Variants in CELF2 observed in about 807,000 individuals in gnomAD.
The protein encoded by CELF2 is CUGBP Elav-like family member 2.
CELF2 carries 8 observed loss-of-function variants against 62.6 expected under a neutral mutation model. The ratio of observed to expected loss-of-function variants is 0.13; its 90% CI spans 0.07 to 0.23. CELF2 has a LOEUF of 0.23. Ranked by LOEUF, CELF2 falls within the 10% of genes least tolerant of loss-of-function variation. The pLI is 1.00. For missense variants in CELF2, 333 were observed against 671.0 expected, an observed-to-expected ratio of 0.50 and a Z score of 5.56; for synonymous variants, 258 against 250.0, an observed-to-expected ratio of 1.03 and a Z score of -0.30.
At chr10:11,209,226 A>AC (rs1241825033) in intron 2 of CELF2, among the ~76,000 whole-genome samples, 1 of 152,160 alleles carries the variant, frequency 6.6e-6, no homozygotes, top group Non-Finnish European at 1.5e-5. Flanking sequence ...AGGCAAGGGG[A>AC]CTGGGCTTTA....
In CELF2 at chr10:11,212,361, C is replaced by G. The variant is rs561803064; in HGVS notation, c.272-5064C>G. 3.3e-5 allele frequency among the ~76,000 whole-genome samples: 5 copies of G among 152,296 alleles called. No individual in the cohort carries two copies. The South Asian group carries it at 1.0e-3, about 32-fold the overall frequency. On this transcript the variant is annotated intron_variant, in intron 2 of 12. Transcript: ENST00000633077. Reference sequence around the variant, plus strand: ...GCCCCCCCGGGCCTGCCTTCACAGACAATGCTCTGTGCCCCTGGACCTTTC... The same window carrying G: ...GCCCCCCCGGGCCTGCCTTCACAGAGAATGCTCTGTGCCCCTGGACCTTTC...
At position 11,199,641 on chromosome 10, in the gene CELF2, A is replaced by T. The variant is rs146608812; in HGVS notation, c.272-17784A>T. On this transcript the variant is annotated intron_variant, in intron 2 of 12. Coordinates refer to ENST00000633077, the MANE Select transcript of CELF2 (RefSeq NM_001326342.2). ...TCACAGTTAAGAGCAGGCCCTCCAG[A>T]CTCCACTCAGCTTGTCTGTTATGAG... 4.9e-3 allele frequency among the ~76,000 whole-genome samples: 751 copies of T among 152,114 alleles called. 6 individuals carry two copies. Among genetic ancestry groups the T allele is most frequent in the Middle Eastern group, 0.014 (4 of 294 alleles).
rs115336760 is a variant in CELF2 at position 11,313,199 on chromosome 10, C to A, written c.977-940C>A. ...GAAAAATTAGAAACAAAAAGGTTGC[C>A]CCAAAAAGGTTTATTTCACCAGAAG... On this transcript the variant is annotated intron_variant, in intron 9 of 12. Transcript: ENST00000633077. Among the ~76,000 whole-genome samples, 100 of 152,166 alleles carry A rather than the reference C, an allele frequency of 6.6e-4. 1 individual carries two copies. The highest frequency in any genetic ancestry group is 2.3e-3 in the African/African-American group (96 of 41,518).
chr10:10,738,492 G>GGTAT, the CELF2 span, among the ~76,000 whole-genome samples: 1 of 152,152 alleles, frequency 6.6e-6, no homozygotes, highest in East Asian at 1.9e-4. Context: ...ATGTACCCTT[G>GGTAT]GTATGACATG....
At chr10:10,493,988 G>A in the CELF2 span, among the ~76,000 whole-genome samples, 13 of 152,042 alleles carry the variant, frequency 8.6e-5, no homozygotes, top group South Asian at 8.3e-4. Context: ...CTGTCTCCCC[G>A]GTGACCTCAT....
chr10:11,118,190 G>T (rs530766919), intron 1 of CELF2, among the ~76,000 whole-genome samples: 1 of 152,112 alleles, frequency 6.6e-6, no homozygotes, highest in Admixed American at 6.5e-5. Context: ...AGGGCTCATT[G>T]CCCAATTGCA....
chr10:10,496,603 C>T, the CELF2 span, among the ~76,000 whole-genome samples: 1 of 152,130 alleles, frequency 6.6e-6, no homozygotes, highest in Non-Finnish European at 1.5e-5. Flanking sequence ...ACAGTTCTTG[C>T]CCCTAAGGAG....
chr10:10,831,209 G>A (rs542272320), intron 1 of CELF2, among the ~76,000 whole-genome samples: 2 of 152,296 alleles, frequency 1.3e-5, no homozygotes, highest in Non-Finnish European at 2.9e-5. Flanking sequence ...AAATAACCAC[G>A]AGTCACCCAG....
Position 11,217,529 on chromosome 10 carries a change from C to T in CELF2, c.354+22C>T. Reference sequence around the variant, plus strand: ...TGGGGTGAGTCGGTTTACTTTTGTACCAGAATCACTTTATTGCTTGAAAAT... The same window carrying T: ...TGGGGTGAGTCGGTTTACTTTTGTATCAGAATCACTTTATTGCTTGAAAAT... On this transcript the variant is annotated intron_variant, in intron 3 of 12. Coordinates refer to ENST00000633077, the MANE Select transcript of CELF2 (RefSeq NM_001326342.2). This position sits in a 1 kb window ranked among gnomAD's most constrained non-coding sequence, Gnocchi z 5.6. 1 of 1,531,906 alleles carries T rather than the reference C, an allele frequency of 6.5e-7. No homozygotes were observed. Among genetic ancestry groups the T allele is most frequent in the Non-Finnish European group, 9.0e-7 (1 of 1,109,972 alleles). 94.9% of individuals were successfully genotyped at this position (1,531,906 alleles called of 1,614,324 possible). A position where few individuals can be genotyped will look rare whatever the true frequency, so the allele number is the denominator to read the frequency against.
chr10:11,123,053 A>G (rs944771378), intron 1 of CELF2, among the ~76,000 whole-genome samples: 12 of 151,882 alleles, frequency 7.9e-5, no homozygotes, highest in African/African-American at 2.9e-4. Context: ...GGGCAAATAC[A>G]TTGTACATCC....
At chr10:11,221,591 G>A (rs1017087964) in intron 3 of CELF2, among the ~76,000 whole-genome samples, 7 of 152,178 alleles carry the variant, frequency 4.6e-5, no homozygotes, top group Non-Finnish European at 8.8e-5. Flanking sequence ...ATCCACAGCA[G>A]TATCATTAGA....
chr10:11,273,623 G>A (rs947468287), intron 7 of CELF2, among the ~76,000 whole-genome samples: 6 of 152,138 alleles, frequency 3.9e-5, no homozygotes, highest in Admixed American at 2.0e-4. Context: ...CATGTGTAGG[G>A]TTTATCATAT....
At chr10:11,044,883 G>A (rs1234641045) in intron 1 of CELF2, among the ~76,000 whole-genome samples, 4 of 152,332 alleles carry the variant, frequency 2.6e-5, no homozygotes, top group African/African-American at 7.2e-5. Flanking sequence ...ATATGTCCAC[G>A]TATTTGAATT....
the CELF2 span, among the ~76,000 whole-genome samples, chr10:10,530,534 T>G: frequency 1.3e-5 from 2 of 152,282 alleles, no homozygotes; most frequent in Non-Finnish European, 2.9e-5. Flanking sequence ...CTCAGCCTCA[T>G]TTTTGTAGGC....
At chr10:10,937,121 C>CTTTTTTTTTTTTTTTTTTTTTTTTTT (rs373143426) in intron 2 of CELF2, among the ~76,000 whole-genome samples, 17 of 90,514 alleles carry the variant, frequency 1.9e-4, no homozygotes, top group Non-Finnish European at 2.4e-4. Flanking sequence ...TTTTTCTTTT[C>CTTTTTTTTTTTTTTTTTTTTTTTTTT]TTTTTTTTTT....
chr10:10,668,422 G>A, the CELF2 span, among the ~76,000 whole-genome samples: 2 of 152,178 alleles, frequency 1.3e-5, no homozygotes, highest in African/African-American at 4.8e-5. Context: ...GACCCAGTTA[G>A]CTTATTCCTC....
the CELF2 span, among the ~76,000 whole-genome samples, chr10:10,676,894 C>T: frequency 1.3e-5 from 2 of 152,082 alleles, no homozygotes; most frequent in African/African-American, 4.8e-5. Context: ...TCTTAATAAC[C>T]AAGAATGCCA....
chr10:11,083,573 C>T (rs1252876209), intron 1 of CELF2, among the ~76,000 whole-genome samples: 1 of 152,178 alleles, frequency 6.6e-6, no homozygotes, highest in Non-Finnish European at 1.5e-5. Flanking sequence ...CTCTCTAGAA[C>T]CTCAGTTCAG....
chr10:10,894,466 G>A (rs2133970162), intron 1 of CELF2, among the ~76,000 whole-genome samples: 1 of 152,288 alleles, frequency 6.6e-6, no homozygotes, highest in African/African-American at 2.4e-5. Context: ...GTTCTGAAGT[G>A]GATCCACTTT....
Sources: allele counts gnomAD v4.1 joint callset (sites outside exome capture counted in the v4.1 genomes callset), GRCh38; gene constraint gnomAD v4.1.1; non-coding constraint Gnocchi (gnomAD v3.1); transcripts MANE v1.5; gene names NCBI Gene and HGNC (gene_info 2026-07-23, HGNC 2026-07-21).